The following RTF2 variants were observed in gnomAD, a reference collection of about 807,000 sequenced individuals.
RTF2 encodes the protein UPF0549 protein C20orf43.
Under a neutral mutation model 38.0 loss-of-function variants are expected in RTF2, and 18 were observed. That is an observed-to-expected ratio of 0.47 (90% CI 0.33 to 0.70). The LOEUF is 0.70. RTF2 is among the 30% of genes least tolerant of loss of function. RTF2 has a pLI of 0.02. For missense variants in RTF2, 311 were observed against 379.6 expected (o/e 0.82, Z 1.50); for synonymous variants, 126 against 137.1 (o/e 0.92, Z 0.57).
At chr20:56,489,608 G>C (rs923321363) in intron 5 of RTF2, among the ~76,000 whole-genome samples, 1 of 152,106 alleles carries the variant, frequency 6.6e-6, no homozygotes, top group African/African-American at 2.4e-5. Flanking sequence ...AAAAGTGTCA[G>C]CCATTCTTCT....
chr20:56,517,059 C>G, intron 7 of RTF2, 47 bp from the exon 8 acceptor site: 3 of 1,609,464 alleles, frequency 1.9e-6, no homozygotes, highest in Non-Finnish European at 2.6e-6. Context: ...TATGTTCATG[C>G]TTTGTTTTGC....
chr20:56,477,552 CT>C (rs970347457), intron 4 of RTF2, among the ~76,000 whole-genome samples: 1 of 147,162 alleles, frequency 6.8e-6, no homozygotes, highest in Non-Finnish European at 1.5e-5. Flanking sequence ...TATTTTTATC[CT>C]TTTTTTTTAA....
chr20:56,489,124 T>G (rs1982950742), intron 5 of RTF2, among the ~76,000 whole-genome samples: 1 of 152,140 alleles, frequency 6.6e-6, no homozygotes, highest in Non-Finnish European at 1.5e-5. Context: ...GGTGCAATCT[T>G]GGCTCACTAT....
In RTF2 at chr20:56,519,433, A is replaced by G. The variant is rs1985258860; in HGVS notation, c.*1168A>G. On this transcript the variant is annotated 3_prime_UTR_variant, in exon 9 of 9. Transcript: ENST00000357348. ...GACATTGTGAGTATAGAGCATTTTA[A>G]TAAAAATTAAGTGATGCGTTTTTGT... 6.6e-6 allele frequency: 1 copy of G among 152,228 alleles called. No individual in the cohort carries two copies. The highest frequency in any genetic ancestry group is 2.1e-4 in the South Asian group (1 of 4,830). 9.4% of individuals were successfully genotyped at this position (152,228 alleles called of 1,614,324 possible).
intron 5 of RTF2, among the ~76,000 whole-genome samples, chr20:56,507,054 C>T (rs1232724436): frequency 6.6e-6 from 1 of 152,014 alleles, no homozygotes; most frequent in Non-Finnish European, 1.5e-5. Context: ...GAGTTTCAAG[C>T]GATAAAAAGG....
At chr20:56,489,519 A>G (rs1982980940) in intron 5 of RTF2, among the ~76,000 whole-genome samples, 1 of 152,172 alleles carries the variant, frequency 6.6e-6, no homozygotes, top group South Asian at 2.1e-4. Context: ...GCCTGGTCCA[A>G]ATCCCAGCCC....
chr20:56,483,575 C>T (rs576039577), intron 4 of RTF2, among the ~76,000 whole-genome samples: 1 of 152,118 alleles, frequency 6.6e-6, no homozygotes, highest in South Asian at 2.1e-4. Context: ...GTGATCCTCC[C>T]ATTTTGACCT....
At chr20:56,473,196 A>C in intron 1 of RTF2, 105 bp from the exon 2 acceptor site, 2 of 829,858 alleles carry the variant, frequency 2.4e-6, no homozygotes, top group Non-Finnish European at 3.9e-6. Context: ...TTAAAAAACA[A>C]AAATCATTAC....
intron 5 of RTF2, among the ~76,000 whole-genome samples, chr20:56,502,110 T>G (rs776132047): frequency 6.6e-6 from 1 of 152,186 alleles, no homozygotes; most frequent in Non-Finnish European, 1.5e-5. Context: ...ACTGAAGCCA[T>G]CTAGCATCCA....
At chr20:56,504,902 T>C (rs6024913) in intron 5 of RTF2, among the ~76,000 whole-genome samples, 64,780 of 152,100 alleles carry the variant, frequency 0.43, 14,855 homozygotes, top group East Asian at 0.93. Context: ...CACATGCTGC[T>C]TTTTTGCAGA....
chr20:56,468,674 G>T lies in RTF2; in HGVS notation c.-24G>T. The T allele has an allele frequency of 6.4e-7, 1 of 1,560,244 alleles. No individual in the cohort carries two copies. The highest frequency in any genetic ancestry group is 1.2e-5 in the South Asian group (1 of 84,734). On this transcript the variant is annotated 5_prime_UTR_variant, in exon 1 of 9. Transcript: ENST00000357348. ...GAAGTGACAGCTTTGGGGGTTTGCT[G>T]CTGGCTCTGACTCCCGTCCTGCGAT...
intron 5 of RTF2, among the ~76,000 whole-genome samples, chr20:56,498,142 G>A (rs1053835205): frequency 9.9e-5 from 15 of 152,134 alleles, no homozygotes; most frequent in Non-Finnish European, 1.3e-4. Flanking sequence ...TACTTACTTT[G>A]GACATAGACA....
At chr20:56,489,475 C>T (rs1490846306) in intron 5 of RTF2, among the ~76,000 whole-genome samples, 2 of 152,170 alleles carry the variant, frequency 1.3e-5, no homozygotes, top group African/African-American at 2.4e-5. Flanking sequence ...ATGTAGCTAC[C>T]TGGGACTCAG....
chr20:56,491,467 C>T (rs1171602321), intron 5 of RTF2: 5 of 818,774 alleles, frequency 6.1e-6, no homozygotes, highest in Non-Finnish European at 1.0e-5. Flanking sequence ...TAGTTTGTAT[C>T]AAGGAATCAT....
intron 5 of RTF2, among the ~76,000 whole-genome samples, chr20:56,499,046 C>T (rs1983744254): frequency 6.6e-6 from 1 of 152,132 alleles, no homozygotes. Flanking sequence ...TTTATTTCTA[C>T]CCATCATGCT....
chr20:56,476,082 C>T (rs186801257), intron 3 of RTF2, among the ~76,000 whole-genome samples: 1 of 152,078 alleles, frequency 6.6e-6, no homozygotes, highest in Non-Finnish European at 1.5e-5. Flanking sequence ...AGAAATGCCT[C>T]GAATGCAAAA....
intron 5 of RTF2, chr20:56,496,559 G>A: frequency 3.6e-6 from 5 of 1,383,832 alleles, no homozygotes; most frequent in Non-Finnish European, 4.8e-6. Context: ...AAATCAGTCA[G>A]TCAATCAATC....
chr20:56,497,368 G>A (rs1983617149), intron 5 of RTF2: 1 of 1,550,262 alleles, frequency 6.5e-7, no homozygotes, highest in Non-Finnish European at 8.7e-7. Context: ...GTGTGTAAAT[G>A]AGCATGTATT....
rs1452061171 is a variant in RTF2 at position 56,496,578 on chromosome 20, AATCT to A, written c.477+12394_477+12397del. 8.7e-5 allele frequency: 124 copies of A among 1,430,118 alleles called. No individual in the cohort carries two copies. The African/African-American group carries it at 1.7e-3, about 19-fold the overall frequency. 88.6% of individuals were successfully genotyped at this position (1,430,118 alleles called of 1,614,324 possible). ...CAGTCAGTCAATCAATCAATCAATC[AATCT>A]ATCTGCTGCTGTTGCTGCTGACTGC... On this transcript the variant is annotated intron_variant, in intron 5 of 8. Transcript: ENST00000357348.
Sources: gnomAD v4.1 joint callset for allele counts (sites outside exome capture counted in the v4.1 genomes callset) on GRCh38, gnomAD v4.1.1 for gene constraint, MANE v1.5 for transcripts, NCBI Gene and HGNC (gene_info 2026-07-23, HGNC 2026-07-21) for gene names.